MFSD6: variants seen among roughly 807,000 people sequenced by gnomAD.
The protein encoded by MFSD6 is major facilitator superfamily domain containing 6, also known as major facilitator superfamily domain-containing protein 6.
In MFSD6, 26 loss-of-function variants were observed where a neutral mutation model predicts 56.3. The ratio of observed to expected loss-of-function variants is 0.46; its 90% CI spans 0.34 to 0.64. The LOEUF is 0.64. Ranked by LOEUF, MFSD6 falls within the 30% of genes least tolerant of loss-of-function variation. MFSD6 has a pLI of 0.01. For missense variants in MFSD6, 750 were observed against 986.2 expected (o/e 0.76, Z 3.21); for synonymous variants, 331 against 366.9 (o/e 0.90, Z 1.12).
Position 190,497,376 on chromosome 2 carries a change from T to C in MFSD6, c.1892-63T>C, listed in dbSNP as rs1369055453. On this transcript the variant is annotated intron_variant, in intron 6 of 7. Transcript: ENST00000392328. The surrounding 1 kb of genome is among the most constrained non-coding windows in gnomAD (Gnocchi z 5.2). ...GGATTCTTGGTTTATTTATTTATTT[T>C]TACCTTTGTTCAAATATGTAGAAAA... 3.2e-6 allele frequency: 5 copies of C among 1,543,818 alleles called. No homozygotes were observed. Among genetic ancestry groups the C allele is most frequent in the Non-Finnish European group, 4.4e-6 (5 of 1,139,098 alleles).
rs1471683481 is a variant in MFSD6, at chr2:190,433,178, A to C, written c.-53-2799A>C. On this transcript the variant is annotated intron_variant, in intron 2 of 7. Coordinates refer to ENST00000392328, the MANE Select transcript of MFSD6 (RefSeq NM_017694.4). This position sits in a 1 kb window ranked among gnomAD's most constrained non-coding sequence, Gnocchi z 4.5. Reference sequence around the variant, plus strand: ...TTAGTGGGTTCAGGGAAGGATTCAAACTACATGTGTTTAATCTGCTCTCTT... The same window carrying C: ...TTAGTGGGTTCAGGGAAGGATTCAACCTACATGTGTTTAATCTGCTCTCTT... 6.6e-6 allele frequency: 1 copy of C among 152,124 alleles called. No homozygotes were observed. The allele number at this position is 152,124 out of a possible 1,614,324, so 9.4% of individuals were successfully genotyped here. A position where few individuals can be genotyped will look rare whatever the true frequency, so the allele number is the denominator to read the frequency against.
At position 190,416,281 on chromosome 2, in the gene MFSD6, C is replaced by T. The variant is rs1046646715; in HGVS notation, c.-54+868C>T. Among the ~76,000 whole-genome samples the T allele has an allele frequency of 6.6e-6, 1 of 152,090 alleles. No homozygotes were observed. Among genetic ancestry groups the T allele is most frequent in the African/African-American group, 2.4e-5 (1 of 41,404 alleles). On this transcript the variant is annotated intron_variant, in intron 2 of 7. Coordinates refer to ENST00000392328, the MANE Select transcript of MFSD6 (RefSeq NM_017694.4). This position sits in a 1 kb window ranked among gnomAD's most constrained non-coding sequence, Gnocchi z 4.1. The stretch of plus-strand genomic sequence containing the variant: ...CATCTTTATGGTTATAAGCTATTTC[C>T]TCCAACCCTTAAGAGATCAAAATAA...
rs904241170 is a variant in MFSD6 at position 190,433,737 on chromosome 2, G to A, written c.-53-2240G>A. ...TGACTCCTTACACAGGTCTCCTTAAGTTGTGTTCCATTGTCTACCTAGGAG... is the reference window on the plus strand; with the variant it reads ...TGACTCCTTACACAGGTCTCCTTAAATTGTGTTCCATTGTCTACCTAGGAG... On this transcript the variant is annotated intron_variant, in intron 2 of 7. Coordinates refer to ENST00000392328, the MANE Select transcript of MFSD6 (RefSeq NM_017694.4). This position sits in a 1 kb window ranked among gnomAD's most constrained non-coding sequence, Gnocchi z 4.5. Among the ~76,000 whole-genome samples the A allele has an allele frequency of 6.6e-6, 1 of 152,174 alleles. No homozygotes were observed. Among genetic ancestry groups the A allele is most frequent in the African/African-American group, 2.4e-5 (1 of 41,430 alleles).
At position 190,467,844 on chromosome 2, in the gene MFSD6, G is replaced by A. The variant is rs1215945296; in HGVS notation, c.1533-1914G>A. On this transcript the variant is annotated intron_variant, in intron 3 of 7. Transcript: ENST00000392328. This position sits in a 1 kb window ranked among gnomAD's most constrained non-coding sequence, Gnocchi z 5.5. ...ATAATTCAGCTCTTGTTGGAACATGGCCATGCTCATTCATTTACATATTGC... is the reference window on the plus strand; with the variant it reads ...ATAATTCAGCTCTTGTTGGAACATGACCATGCTCATTCATTTACATATTGC... 1.3e-5 allele frequency among the ~76,000 whole-genome samples: 2 copies of A among 152,144 alleles called. No individual in the cohort carries two copies. Among genetic ancestry groups the A allele is most frequent in the Non-Finnish European group, 2.9e-5 (2 of 68,018 alleles).
At position 190,438,747 on chromosome 2, in the gene MFSD6, C is replaced by A. The variant is rs1686266526; in HGVS notation, c.1532+1186C>A. 6.6e-6 allele frequency among the ~76,000 whole-genome samples: 1 copy of A among 152,204 alleles called. No homozygotes were observed. The highest frequency in any genetic ancestry group is 1.5e-5 in the Non-Finnish European group (1 of 68,042). On this transcript the variant is annotated intron_variant, in intron 3 of 7. Coordinates refer to ENST00000392328, the MANE Select transcript of MFSD6 (RefSeq NM_017694.4). This position sits in a 1 kb window ranked among gnomAD's most constrained non-coding sequence, Gnocchi z 5.2. ...ATGTGTTTGTGTGTATTTAAATCTGCTATTTCTATAAGAAATTAAAGAGGA... is the reference window on the plus strand; with the variant it reads ...ATGTGTTTGTGTGTATTTAAATCTGATATTTCTATAAGAAATTAAAGAGGA...
intron 2 of MFSD6, among the ~76,000 whole-genome samples, chr2:190,430,431 C>A (rs1280111894): frequency 6.6e-6 from 1 of 151,404 alleles, no homozygotes; most frequent in East Asian, 2.0e-4. Context: ...TGCCTTCAAG[C>A]ATCTGTTTAA....
chr2:190,476,923 A>T (rs1688354501), intron 4 of MFSD6, among the ~76,000 whole-genome samples: 1 of 152,000 alleles, frequency 6.6e-6, no homozygotes, highest in South Asian at 2.1e-4. Context: ...ATGAAGCTGG[A>T]AACCATCATT....
chr2:190,474,297 A>G (rs1688145922), intron 4 of MFSD6, among the ~76,000 whole-genome samples: 1 of 152,184 alleles, frequency 6.6e-6, no homozygotes. Context: ...TGAAAAGATC[A>G]ACAAAATTGA....
At chr2:190,421,964 A>G (rs889953072) in intron 2 of MFSD6, among the ~76,000 whole-genome samples, 2 of 152,130 alleles carry the variant, frequency 1.3e-5, no homozygotes, top group African/African-American at 2.4e-5. Context: ...CTGACTGTCT[A>G]ATGAGAAAGC....
chr2:190,498,121 G>A lies in MFSD6; in HGVS notation c.2172+402G>A, dbSNP rs775138317. On this transcript the variant is annotated intron_variant, in intron 7 of 7. Coordinates refer to ENST00000392328, the MANE Select transcript of MFSD6 (RefSeq NM_017694.4). The surrounding 1 kb of genome is among the most constrained non-coding windows in gnomAD (Gnocchi z 5.9). Reference sequence around the variant, plus strand: ...GTTGAATTAATTAATCTGAGCCACTGTATGGGTCTGATAGGACACCTAACT... The same window carrying A: ...GTTGAATTAATTAATCTGAGCCACTATATGGGTCTGATAGGACACCTAACT... 6 of 173,846 alleles carry A rather than the reference G, an allele frequency of 3.5e-5. No individual in the cohort carries two copies. The highest frequency in any genetic ancestry group is 6.2e-5 in the Non-Finnish European group (5 of 80,100). 10.8% of individuals were successfully genotyped at this position (173,846 alleles called of 1,614,324 possible).
At position 190,462,704 on chromosome 2, in the gene MFSD6, G is replaced by C. The variant is rs1191952346; in HGVS notation, c.1533-7054G>C. Among the ~76,000 whole-genome samples the C allele has an allele frequency of 6.6e-6, 1 of 152,132 alleles. No homozygotes were observed. Among genetic ancestry groups the C allele is most frequent in the Non-Finnish European group, 1.5e-5 (1 of 68,028 alleles). ...GACATCTTGGGAGGCTTCTTGGAAGGGATGATTCCTTTCAACAGTGGGACT... is the reference window on the plus strand; with the variant it reads ...GACATCTTGGGAGGCTTCTTGGAAGCGATGATTCCTTTCAACAGTGGGACT... On this transcript the variant is annotated intron_variant, in intron 3 of 7. Coordinates refer to ENST00000392328, the MANE Select transcript of MFSD6 (RefSeq NM_017694.4). This position sits in a 1 kb window ranked among gnomAD's most constrained non-coding sequence, Gnocchi z 5.7.
chr2:190,422,342 C>T (rs191318400), intron 2 of MFSD6, among the ~76,000 whole-genome samples: 13 of 152,288 alleles, frequency 8.5e-5, no homozygotes, highest in African/African-American at 2.9e-4. Context: ...GTTCTGTCAT[C>T]CCTGTATTCC....
At position 190,465,641 on chromosome 2, in the gene MFSD6, T is replaced by C. The variant is rs1687564916; in HGVS notation, c.1533-4117T>C. Among the ~76,000 whole-genome samples, 1 of 152,146 alleles carries C rather than the reference T, an allele frequency of 6.6e-6. No individual in the cohort carries two copies. Among genetic ancestry groups the C allele is most frequent in the South Asian group, 2.1e-4 (1 of 4,828 alleles). The stretch of plus-strand genomic sequence containing the variant: ...TAGCAAATCCCTAACTGTATTAGAG[T>C]GAATGTGTTCATTTGCTTGGGTTAC... On this transcript the variant is annotated intron_variant, in intron 3 of 7. Coordinates refer to ENST00000392328, the MANE Select transcript of MFSD6 (RefSeq NM_017694.4). This position sits in a 1 kb window ranked among gnomAD's most constrained non-coding sequence, Gnocchi z 4.6.
rs1686903859 is a variant in MFSD6 at position 190,454,399 on chromosome 2, A to G, written c.1533-15359A>G. The G allele has an allele frequency of 1.3e-5, 2 of 152,214 alleles. No individual in the cohort carries two copies. The highest frequency in any genetic ancestry group is 6.6e-5 in the Admixed American group (1 of 15,264). 9.4% of individuals were successfully genotyped at this position (152,214 alleles called of 1,614,324 possible). ...AAGTCCTGACCCCCAATGTGATGCT[A>G]TTTAGAGATGGGATCTTTGGGAGGT... On this transcript the variant is annotated intron_variant, in intron 3 of 7. Coordinates refer to ENST00000392328, the MANE Select transcript of MFSD6 (RefSeq NM_017694.4). This position sits in a 1 kb window ranked among gnomAD's most constrained non-coding sequence, Gnocchi z 4.6.
chr2:190,467,005 T>C lies in MFSD6; in HGVS notation c.1533-2753T>C, dbSNP rs1381662747. Among the ~76,000 whole-genome samples, 1 of 152,246 alleles carries C rather than the reference T, an allele frequency of 6.6e-6. No homozygotes were observed. The highest frequency in any genetic ancestry group is 2.4e-5 in the African/African-American group (1 of 41,464). ...ATTTTAAGCCAGGAGTTTTGGACTATGGCCTGGATTGAATTACAGTTGTCA... is the reference window on the plus strand; with the variant it reads ...ATTTTAAGCCAGGAGTTTTGGACTACGGCCTGGATTGAATTACAGTTGTCA... On this transcript the variant is annotated intron_variant, in intron 3 of 7. Transcript: ENST00000392328. The surrounding 1 kb of genome is among the most constrained non-coding windows in gnomAD (Gnocchi z 5.5).
rs967842711 is a variant in MFSD6 at position 190,497,319 on chromosome 2, A to C, written c.1892-120A>C. On this transcript the variant is annotated intron_variant, in intron 6 of 7. Coordinates refer to ENST00000392328, the MANE Select transcript of MFSD6 (RefSeq NM_017694.4). This position sits in a 1 kb window ranked among gnomAD's most constrained non-coding sequence, Gnocchi z 5.2. ...AGTCATTGGTAACCAGCAATTTATTAATATTATCAAGCACTCTGGAATGGG... is the reference window on the plus strand; with the variant it reads ...AGTCATTGGTAACCAGCAATTTATTCATATTATCAAGCACTCTGGAATGGG... The C allele has an allele frequency of 2.8e-6, 3 of 1,088,984 alleles. No homozygotes were observed. The highest frequency in any genetic ancestry group is 1.3e-6 in the Non-Finnish European group (1 of 770,544). 67.5% of individuals were successfully genotyped at this position (1,088,984 alleles called of 1,614,324 possible). A position where few individuals can be genotyped will look rare whatever the true frequency, so the allele number is the denominator to read the frequency against.
Position 190,436,005 on chromosome 2 carries a change from A to T in MFSD6, c.-25A>T. The T allele has an allele frequency of 6.3e-7, 1 of 1,580,900 alleles. No homozygotes were observed. Among genetic ancestry groups the T allele is most frequent in the Non-Finnish European group, 8.6e-7 (1 of 1,164,118 alleles). ...AACAGTACAAATTCTGAAGTTTGTA[A>T]ACTTGCTGATGGTGGTGGTAAGCCA... On this transcript the variant is annotated 5_prime_UTR_variant, in exon 3 of 8. Transcript: ENST00000392328. This position sits in a 1 kb window ranked among gnomAD's most constrained non-coding sequence, Gnocchi z 5.3.
At chr2:190,481,447 T>C (rs1171481604) in intron 4 of MFSD6, among the ~76,000 whole-genome samples, 1 of 152,196 alleles carries the variant, frequency 6.6e-6, no homozygotes, top group African/African-American at 2.4e-5. Flanking sequence ...CTTCGTCATA[T>C]CCCAACATGT....
At chr2:190,480,052 A>T (rs538552743) in intron 4 of MFSD6, among the ~76,000 whole-genome samples, 120 of 152,322 alleles carry the variant, frequency 7.9e-4, no homozygotes, top group African/African-American at 2.7e-3. Context: ...GGTCCCAGCT[A>T]CTGGGGAGGC....
Sources: gnomAD v4.1 joint callset for allele counts (sites outside exome capture counted in the v4.1 genomes callset) on GRCh38, gnomAD v4.1.1 for gene constraint, Gnocchi (gnomAD v3.1) non-coding constraint, MANE v1.5 for transcripts, NCBI Gene and HGNC (gene_info 2026-07-23, HGNC 2026-07-21) for gene names.